INSYN2B: variants seen among roughly 807,000 people sequenced by gnomAD.
The protein encoded by INSYN2B is protein INSYN2B.
In INSYN2B, 16 loss-of-function variants were observed where a neutral mutation model predicts 41.2. The ratio of observed to expected loss-of-function variants is 0.39; its 90% CI spans 0.26 to 0.59. The LOEUF is 0.59. Ranked by LOEUF, INSYN2B falls within the 20% of genes least tolerant of loss-of-function variation. The probability of loss-of-function intolerance (pLI) is 0.57; values close to 1 mark genes in which losing one functional copy is unlikely to be tolerated. For missense variants in INSYN2B, 608 were observed against 646.4 expected, an observed-to-expected ratio of 0.94 and a Z score of 0.64; for synonymous variants, 245 against 244.4, an observed-to-expected ratio of 1.00 and a Z score of -0.02.
At chr5:169,889,886 T>C (rs546633957) in intron 1 of INSYN2B, among the ~76,000 whole-genome samples, 4 of 152,370 alleles carry the variant, frequency 2.6e-5, no homozygotes, top group African/African-American at 9.6e-5. Flanking sequence ...AGGAGGCTCT[T>C]GATTAGGTTG....
intron 1 of INSYN2B, among the ~76,000 whole-genome samples, chr5:169,914,825 T>G (rs147091981): frequency 2.3e-3 from 346 of 152,342 alleles, no homozygotes; most frequent in African/African-American, 7.8e-3. Flanking sequence ...TCTGTTGACC[T>G]CTATAGACAC....
intron 3 of INSYN2B, among the ~76,000 whole-genome samples, chr5:169,872,399 T>C (rs1338048999): frequency 1.3e-5 from 2 of 152,210 alleles, no homozygotes; most frequent in Non-Finnish European, 2.9e-5. Context: ...CTGGAAGGGA[T>C]ATTGTTCCTA....
intron 3 of INSYN2B, among the ~76,000 whole-genome samples, chr5:169,880,052 T>G (rs1483451087): frequency 6.6e-6 from 1 of 152,168 alleles, no homozygotes; most frequent in Non-Finnish European, 1.5e-5. Context: ...ATTAGAAAAT[T>G]TGTTCAAGTT....
At chr5:169,866,362 C>CTG (rs545303799) in intron 3 of INSYN2B, among the ~76,000 whole-genome samples, 11 of 152,208 alleles carry the variant, frequency 7.2e-5, no homozygotes, top group African/African-American at 2.7e-4. Context: ...CACAGTTTCA[C>CTG]TGTGAGATCT....
In INSYN2B at chr5:169,862,978, T is replaced by C. The variant is rs1179396054; in HGVS notation, c.*1295A>G. 6.6e-6 allele frequency among the ~76,000 whole-genome samples: 1 copy of C among 152,248 alleles called. No individual in the cohort carries two copies. Among genetic ancestry groups the C allele is most frequent in the Non-Finnish European group, 1.5e-5 (1 of 68,038 alleles). The stretch of plus-strand genomic sequence containing the variant: ...TTCTAGCAATGTCAATCTAACCACA[T>C]GCTGATAGAGATTTTAATTCAACCA... On this transcript the variant is annotated 3_prime_UTR_variant, in exon 4 of 4. Coordinates refer to ENST00000377365, the MANE Select transcript of INSYN2B (RefSeq NM_001129891.3).
chr5:169,872,317 A>G (rs1249126786), intron 3 of INSYN2B, among the ~76,000 whole-genome samples: 2 of 152,222 alleles, frequency 1.3e-5, no homozygotes, highest in Non-Finnish European at 2.9e-5. Context: ...GACACTTTGG[A>G]AGGCATCTCT....
In INSYN2B at chr5:169,864,033, G is replaced by A. The variant is rs1386107472; in HGVS notation, c.*240C>T. Among the ~76,000 whole-genome samples the A allele has an allele frequency of 1.3e-5, 2 of 152,180 alleles. No individual in the cohort carries two copies. Among genetic ancestry groups the A allele is most frequent in the African/African-American group, 4.8e-5 (2 of 41,442 alleles). On this transcript the variant is annotated 3_prime_UTR_variant, in exon 4 of 4. Coordinates refer to ENST00000377365, the MANE Select transcript of INSYN2B (RefSeq NM_001129891.3). ...TCTGGCTGAGTGTGACAGGGAACTT[G>A]GCAAGCGGTCACTCTAGTGTCCGTG...
At chr5:169,927,520 G>T (rs569609915) in intron 1 of INSYN2B, among the ~76,000 whole-genome samples, 5 of 152,214 alleles carry the variant, frequency 3.3e-5, no homozygotes, top group Non-Finnish European at 5.9e-5. Context: ...TAATTTGCAG[G>T]ACTTAGTAAC....
intron 1 of INSYN2B, among the ~76,000 whole-genome samples, chr5:169,956,360 T>C (rs1776866368): frequency 1.3e-5 from 2 of 152,322 alleles, no homozygotes; most frequent in South Asian, 2.1e-4. Flanking sequence ...TACTACTAAC[T>C]TAAGAGGCTG....
chr5:169,946,789 C>T (rs756252308), intron 1 of INSYN2B, among the ~76,000 whole-genome samples: 27 of 152,288 alleles, frequency 1.8e-4, no homozygotes, highest in Middle Eastern at 6.8e-3. Context: ...TTGAGAGTGA[C>T]GTGGGGCTGA....
At chr5:169,946,663 C>G (rs1447757208) in intron 1 of INSYN2B, among the ~76,000 whole-genome samples, 2 of 152,186 alleles carry the variant, frequency 1.3e-5, no homozygotes, top group Non-Finnish European at 2.9e-5. Flanking sequence ...AGGCCAGTTC[C>G]TAGTCTCCTG....
At chr5:169,900,024 A>C (rs2113574359) in intron 1 of INSYN2B, among the ~76,000 whole-genome samples, 1 of 152,284 alleles carries the variant, frequency 6.6e-6, no homozygotes, top group Admixed American at 6.5e-5. Flanking sequence ...CGAAACCACA[A>C]GCTGTCTTTT....
At chr5:169,867,548 C>T (rs1280195950) in intron 3 of INSYN2B, among the ~76,000 whole-genome samples, 3 of 151,840 alleles carry the variant, frequency 2.0e-5, no homozygotes, top group Admixed American at 2.0e-4. Context: ...ATGTATCTAT[C>T]ATCTATCAGT....
At chr5:169,952,945 T>C (rs1159037673) in intron 1 of INSYN2B, among the ~76,000 whole-genome samples, 1 of 152,162 alleles carries the variant, frequency 6.6e-6, no homozygotes, top group Non-Finnish European at 1.5e-5. Context: ...AGTAGGTTGA[T>C]TGTGGTAAAG....
intron 1 of INSYN2B, among the ~76,000 whole-genome samples, chr5:169,921,651 G>T (rs1775178773): frequency 6.6e-6 from 1 of 152,148 alleles, no homozygotes; most frequent in Non-Finnish European, 1.5e-5. Context: ...TCATCAAAGA[G>T]CCCTTACAGA....
chr5:169,943,588 C>T (rs753338918), intron 1 of INSYN2B, among the ~76,000 whole-genome samples: 2 of 152,210 alleles, frequency 1.3e-5, no homozygotes, highest in South Asian at 2.1e-4. Flanking sequence ...ATTTGGTTAC[C>T]CTCACCTCCT....
chr5:169,936,291 T>A (rs1414764730), intron 1 of INSYN2B, among the ~76,000 whole-genome samples: 1 of 152,112 alleles, frequency 6.6e-6, no homozygotes, highest in Non-Finnish European at 1.5e-5. Flanking sequence ...ACGACAGAGA[T>A]GGGGCTAGGC....
intron 3 of INSYN2B, among the ~76,000 whole-genome samples, chr5:169,869,900 G>T (rs1771843597): frequency 6.6e-6 from 1 of 152,162 alleles, no homozygotes; most frequent in Non-Finnish European, 1.5e-5. Flanking sequence ...CACATATGCT[G>T]TATATTCCAT....
intron 1 of INSYN2B, among the ~76,000 whole-genome samples, chr5:169,947,039 A>G (rs533726967): frequency 4.3e-4 from 65 of 152,322 alleles, no homozygotes; most frequent in African/African-American, 1.3e-3. Flanking sequence ...TTTACAATGT[A>G]TCTGGAACTG....
Sources: gnomAD v4.1 joint callset for allele counts (sites outside exome capture counted in the v4.1 genomes callset) on GRCh38, gnomAD v4.1.1 for gene constraint, MANE v1.5 for transcripts, NCBI Gene and HGNC (gene_info 2026-07-23, HGNC 2026-07-21) for gene names.